EP300: variants seen among roughly 807,000 people sequenced by gnomAD.
EP300 encodes EP300 lysine acetyltransferase, also known as histone acetyltransferase p300.
Under a neutral mutation model 264.0 loss-of-function variants are expected in EP300, and 31 were observed. The observed-to-expected ratio is 0.12, with a 90% confidence interval of 0.09 to 0.16. EP300 has a LOEUF of 0.16. EP300 is among the 10% of genes least tolerant of loss of function. The pLI is 1.00. For missense variants in EP300, 2,766 were observed against 3,052.9 expected (o/e 0.91, Z 2.21); for synonymous variants, 1,340 against 1,045.4 (o/e 1.28, Z -5.44).
At chr22:41,141,299 G>T in intron 10 of EP300, 77 bp downstream of exon 10, 1 of 1,478,304 alleles carries the variant, frequency 6.8e-7, no homozygotes, top group Middle Eastern at 1.7e-4. Context: ...ATTAATTTCT[G>T]TAAGCTTGTG....
At chr22:41,172,455 A>T (rs2145769778) in intron 27 of EP300, 44 bp from the exon 28 acceptor site, 1 of 1,522,704 alleles carries the variant, frequency 6.6e-7, no homozygotes, top group Non-Finnish European at 9.1e-7. Flanking sequence ...TCAATGCTTT[A>T]AAAGAACATA....
chr22:41,175,621 C>A (rs774335264), intron 29 of EP300, among the ~76,000 whole-genome samples: 2 of 152,158 alleles, frequency 1.3e-5, no homozygotes, highest in Non-Finnish European at 2.9e-5. Flanking sequence ...CTTCATGAGT[C>A]CAGGCCAGTT....
intron 5 of EP300, among the ~76,000 whole-genome samples, chr22:41,130,254 T>TAA (rs11388493): frequency 2.7e-4 from 37 of 134,860 alleles, no homozygotes; most frequent in South Asian, 1.4e-3. Flanking sequence ...CTGCCTCAAT[T>TAA]AAAAAAAAAA....
chr22:41,134,928 G>C (rs771528245), intron 6 of EP300, among the ~76,000 whole-genome samples: 6 of 139,842 alleles, frequency 4.3e-5, no homozygotes, highest in Non-Finnish European at 8.8e-5. Flanking sequence ...TTCTTTTTGA[G>C]ACAACATCTC....
At chr22:41,166,449 C>T in intron 22 of EP300, 150 bp from the exon 23 acceptor site, 1 of 622,582 alleles carries the variant, frequency 1.6e-6, no homozygotes. Context: ...TTACTGATTT[C>T]TAAAAGCTCT....
rs560876523 is a variant in EP300 at position 41,095,800 on chromosome 22, C to T, written c.94+2702C>T. Among the ~76,000 whole-genome samples, 4 of 152,104 alleles carry T rather than the reference C, an allele frequency of 2.6e-5. No homozygotes were observed. The South Asian group carries it at 8.3e-4, about 32-fold the overall frequency. ...AAAAGTGATTTAGGCTTGCAAATTT[C>T]GTGATGTAAATATATCCACCAAGAG... On this transcript the variant is annotated intron_variant, in intron 1 of 30. Transcript: ENST00000263253.
At chr22:41,152,699 C>T (rs1477831922) in intron 16 of EP300, among the ~76,000 whole-genome samples, 1 of 151,988 alleles carries the variant, frequency 6.6e-6, no homozygotes, top group Non-Finnish European at 1.5e-5. Flanking sequence ...ATTTGTCATT[C>T]ACCTGCTGTG....
chr22:41,146,680 G>A lies in EP300; in HGVS notation c.2054-59G>A, dbSNP rs552381688. 126 of 1,500,746 alleles carry A rather than the reference G, an allele frequency of 8.4e-5. No homozygotes were observed. In the South Asian group the frequency reaches 1.4e-3, roughly 16 times the overall value. 93.0% of individuals were successfully genotyped at this position (1,500,746 alleles called of 1,614,324 possible). Reference sequence around the variant, plus strand: ...TTTGTGGGGTTTGTGTGTGCAGTGAGTTTTTGTTTGGTTAAGGGAAGATGG... The same window carrying A: ...TTTGTGGGGTTTGTGTGTGCAGTGAATTTTTGTTTGGTTAAGGGAAGATGG... On this transcript the variant is annotated intron_variant, in intron 10 of 30. Coordinates refer to ENST00000263253, the MANE Select transcript of EP300 (RefSeq NM_001429.4).
intron 1 of EP300, among the ~76,000 whole-genome samples, chr22:41,100,844 A>G (rs917922783): frequency 3.3e-5 from 5 of 152,068 alleles, no homozygotes; most frequent in South Asian, 2.1e-4. Context: ...GGACAACCAT[A>G]TATATATAGT....
At chr22:41,173,479 G>T (rs2145771673) in intron 28 of EP300, 144 bp from the exon 29 acceptor site, 2 of 907,148 alleles carry the variant, frequency 2.2e-6, no homozygotes, top group African/African-American at 1.7e-5. Flanking sequence ...TAAGGAGAAA[G>T]AATAAGTGAA....
chr22:41,133,834 G>A (rs1382681390), intron 6 of EP300, among the ~76,000 whole-genome samples: 2 of 152,268 alleles, frequency 1.3e-5, no homozygotes, highest in South Asian at 2.1e-4. Context: ...GAGCCACTGT[G>A]CAGTAAAGTT....
intron 29 of EP300, among the ~76,000 whole-genome samples, chr22:41,175,004 A>G (rs1241565997): frequency 2.6e-5 from 4 of 152,052 alleles, no homozygotes; most frequent in Non-Finnish European, 5.9e-5. Context: ...AATGGTAATA[A>G]CCATTATCTC....
At chr22:41,152,384 C>T (rs2145741318) in intron 16 of EP300, 34 bp downstream of exon 16, 1 of 1,595,208 alleles carries the variant, frequency 6.3e-7, no homozygotes, top group South Asian at 1.1e-5. Context: ...CTGGAGGTAG[C>T]TGAAGAAACC....
chr22:41,176,238 G>C lies in EP300; in HGVS notation c.4780-9G>C. The C allele has an allele frequency of 6.2e-7, 1 of 1,614,018 alleles. No homozygotes were observed. Among genetic ancestry groups the C allele is most frequent in the South Asian group, 1.1e-5 (1 of 91,080 alleles). On this transcript the variant is annotated splice_polypyrimidine_tract_variant and intron_variant, in intron 29 of 30. Transcript: ENST00000263253. ...CTGTCTCAAAAAAAAGAGACTGTCT[G>C]TTTTTCAGGTCTTCTTTGTGATCCG...
At chr22:41,155,700 A>G (rs775174942) in intron 17 of EP300, among the ~76,000 whole-genome samples, 3 of 152,188 alleles carry the variant, frequency 2.0e-5, no homozygotes, top group Non-Finnish European at 4.4e-5. Context: ...TCTGTTCTAC[A>G]TGTTTCATTA....
intron 10 of EP300, among the ~76,000 whole-genome samples, chr22:41,141,559 TA>T (rs1239411683): frequency 6.6e-6 from 1 of 152,288 alleles, no homozygotes; most frequent in South Asian, 2.1e-4. Flanking sequence ...AAGTAGCCAG[TA>T]AATGTTTGTA....
intron 1 of EP300, 135 bp downstream of exon 1, chr22:41,093,233 G>T: frequency 1.1e-6 from 1 of 923,732 alleles, no homozygotes; most frequent in African/African-American, 1.7e-5. Context: ...GTATTTGAAT[G>T]AGCTGGTCGA....
At chr22:41,158,972 A>C (rs990400036) in intron 19 of EP300, 1 of 168,276 alleles carries the variant, frequency 5.9e-6, no homozygotes, top group African/African-American at 2.4e-5. Flanking sequence ...CCTCATATTA[A>C]GCAAATTAAA....
At chr22:41,118,474 A>G (rs954061381) in intron 2 of EP300, among the ~76,000 whole-genome samples, 2 of 152,298 alleles carry the variant, frequency 1.3e-5, no homozygotes, top group African/African-American at 2.4e-5. Flanking sequence ...TTCTTTACAT[A>G]TTTTATCTGT....
Sources: gnomAD v4.1 joint callset for allele counts (sites outside exome capture counted in the v4.1 genomes callset) on GRCh38, gnomAD v4.1.1 for gene constraint, MANE v1.5 for transcripts, NCBI Gene and HGNC (gene_info 2026-07-23, HGNC 2026-07-21) for gene names.